DNAH8: variants seen among roughly 807,000 people sequenced by gnomAD.
DNAH8 encodes dynein axonemal heavy chain 8.
A neutral mutation model predicts 562.1 loss-of-function variants in DNAH8; 382 were observed. The ratio of observed to expected loss-of-function variants is 0.68; its 90% CI spans 0.63 to 0.74. The LOEUF is 0.74. DNAH8 is among the 30% of genes least tolerant of loss of function. The pLI is 0.00. For synonymous variants in DNAH8, 1,881 were observed against 1,919.4 expected, an observed-to-expected ratio of 0.98 and a Z score of 0.52; for missense variants, 5,203 against 5,620.4, an observed-to-expected ratio of 0.93 and a Z score of 2.37.
chr6:38,952,838 C>G (rs764159672), intron 82 of DNAH8, among the ~76,000 whole-genome samples: 4 of 152,198 alleles, frequency 2.6e-5, no homozygotes, highest in Non-Finnish European at 5.9e-5. Flanking sequence ...ATGGTTAAGT[C>G]TCATTCGCTA....
chr6:38,739,758 T>A (rs946015505), intron 7 of DNAH8, among the ~76,000 whole-genome samples: 1 of 152,248 alleles, frequency 6.6e-6, no homozygotes, highest in Non-Finnish European at 1.5e-5. Context: ...AACTATTATC[T>A]TGATAATTAT....
chr6:38,719,858 G>A (rs1169268402), intron 1 of DNAH8, among the ~76,000 whole-genome samples: 1 of 152,178 alleles, frequency 6.6e-6, no homozygotes, highest in African/African-American at 2.4e-5. Flanking sequence ...AATGCACCCT[G>A]ACATTGTGTT....
chr6:38,886,256 C>T (rs925014898), intron 56 of DNAH8, among the ~76,000 whole-genome samples: 1 of 151,828 alleles, frequency 6.6e-6, no homozygotes, highest in African/African-American at 2.4e-5. Context: ...CTGAGATGGA[C>T]CTGGAAAAAA....
At position 38,917,396 on chromosome 6, in the gene DNAH8, A is replaced by T; in HGVS notation, c.10298A>T (p.Glu3433Val). The change falls in exon 69 of 93, where the codon GAG (glutamate) becomes GTG (valine). Residue 3433 changes from glutamate to valine, a missense_variant. Physicochemically the swap from Glu to Val is moderately radical, Grantham distance 121 (BLOSUM62 -2). Around this residue, in one of 6 missense-constraint regions of DNAH8, gnomAD observed 87 missense variants for 144.9 expected, o/e 0.60. Transcript: ENST00000327475. ...EKSCCKPSWG[E>V]SLKLMSATGF... ...TCTTGCTGTAAGCCATCATGGGGAG[A>T]GTCATTAAAGGTAAGTAAAATCTAT... The T allele has an allele frequency of 6.2e-7, 1 of 1,612,972 alleles. No individual in the cohort carries two copies. The highest frequency in any genetic ancestry group is 8.5e-7 in the Non-Finnish European group (1 of 1,179,376).
chr6:38,879,531 A>G (rs1778300530), intron 53 of DNAH8, among the ~76,000 whole-genome samples: 1 of 152,224 alleles, frequency 6.6e-6, no homozygotes, highest in Non-Finnish European at 1.5e-5. Flanking sequence ...GCAAAATTTG[A>G]CACTCTTTTG....
chr6:38,791,722 A>C, intron 21 of DNAH8, 48 bp downstream of exon 21: 1 of 1,586,254 alleles, frequency 6.3e-7, no homozygotes. Flanking sequence ...TTGGCCTATA[A>C]ACCTAAAATG....
At chr6:38,935,570 A>AT (rs769726534) in intron 76 of DNAH8, 22 bp from the exon 77 acceptor site, 373 of 1,533,770 alleles carry the variant, frequency 2.4e-4, no homozygotes, top group Admixed American at 3.2e-4. Flanking sequence ...TTCCAATGTT[A>AT]TTTTTTGTTT....
At chr6:38,864,708 C>T (rs1250447280) in intron 45 of DNAH8, among the ~76,000 whole-genome samples, 1 of 152,040 alleles carries the variant, frequency 6.6e-6, no homozygotes, top group Non-Finnish European at 1.5e-5. Flanking sequence ...TGGGGGAAAA[C>T]GTGCCATCCT....
rs573438072 is a variant in DNAH8 at position 38,817,602 on chromosome 6, A to G, written c.3523+1945A>G. On this transcript the variant is annotated intron_variant, in intron 26 of 92. Transcript: ENST00000327475. ...ACAGCCCACTCAGGAGTGGCCCTAA[A>G]GGAGAGTGAAAAGGGGAATTCCCCC... Among the ~76,000 whole-genome samples, 446 of 152,322 alleles carry G rather than the reference A, an allele frequency of 2.9e-3. 1 individual carries two copies. The highest frequency in any genetic ancestry group is 2.5e-3 in the Non-Finnish European group (171 of 68,026).
At chr6:38,886,685 A>G in intron 56 of DNAH8, 106 bp from the exon 57 acceptor site, 2 of 888,266 alleles carry the variant, frequency 2.3e-6, no homozygotes, top group South Asian at 3.1e-5. Flanking sequence ...CACTTCATTG[A>G]TAAGAGTTTA....
intron 62 of DNAH8, among the ~76,000 whole-genome samples, chr6:38,900,988 A>G (rs536574322): frequency 6.6e-6 from 1 of 151,858 alleles, no homozygotes; most frequent in East Asian, 1.9e-4. Context: ...GATGTTGAGC[A>G]CCTTTTTATC....
At chr6:38,870,714 T>C in intron 49 of DNAH8, 152 bp downstream of exon 49, 1 of 822,528 alleles carries the variant, frequency 1.2e-6, no homozygotes, top group South Asian at 1.8e-5. Context: ...CTTGGAAGGA[T>C]GTGGTGGTCC....
chr6:38,926,075 G>A lies in DNAH8; in HGVS notation c.10983G>A (p.Gln3661=), dbSNP rs1450958650. Residue 3661 remains glutamine (Q), a synonymous_variant, in exon 74 of 93, where the codon CAG becomes CAA. Coordinates refer to ENST00000327475, the MANE Select transcript of DNAH8 (RefSeq NM_001206927.2). ...DPPTIGEWGL[Q]GLPGDDLSIQ... is the part of the protein sequence containing the mutation. Reference sequence around the variant, plus strand: ...TTCAGATTGGTGAGTGGGGGCTACAGGGATTACCAGGAGATGATCTCTCAA... The same window carrying A: ...TTCAGATTGGTGAGTGGGGGCTACAAGGATTACCAGGAGATGATCTCTCAA... 3 of 1,613,480 alleles carry A rather than the reference G, an allele frequency of 1.9e-6. No homozygotes were observed. Among genetic ancestry groups the A allele is most frequent in the Non-Finnish European group, 2.5e-6 (3 of 1,179,726 alleles).
intron 11 of DNAH8, among the ~76,000 whole-genome samples, chr6:38,766,973 TTTG>T (rs1767065070): frequency 6.6e-6 from 1 of 152,180 alleles, no homozygotes; most frequent in Non-Finnish European, 1.5e-5. Flanking sequence ...TGCTTCTCTT[TTTG>T]TATAATTAAA....
chr6:39,013,083 TC>T (rs1561975893), intron 91 of DNAH8, among the ~76,000 whole-genome samples: 1 of 152,212 alleles, frequency 6.6e-6, no homozygotes, highest in Non-Finnish European at 1.5e-5. Flanking sequence ...AGGGGGGTCT[TC>T]CCCCACTCAG....
In DNAH8 at chr6:38,973,752, A is replaced by G; in HGVS notation, c.12617A>G (p.Asp4206Gly). The change falls in exon 84 of 93, where the codon GAT becomes GGT. Residue 4206 changes from aspartate to glycine, a missense_variant. Asp to Gly is a moderately conservative substitution (Grantham distance 94). This residue lies in a region of DNAH8 where 1,399 missense variants were observed against 1,518.4 expected (regional missense o/e 0.92). Coordinates refer to ENST00000327475, the MANE Select transcript of DNAH8 (RefSeq NM_001206927.2). ...ETLITTEASD[D>G]SFRVWITTEP... ...CTAATTACCACTGAAGCCAGTGATG[A>G]TTCTTTCCGAGTATGGATAACTACG... 6.2e-7 allele frequency: 1 copy of G among 1,611,672 alleles called. No individual in the cohort carries two copies. The highest frequency in any genetic ancestry group is 8.5e-7 in the Non-Finnish European group (1 of 1,179,024).
At chr6:38,991,271 A>G (rs983960268) in intron 88 of DNAH8, among the ~76,000 whole-genome samples, 4 of 152,180 alleles carry the variant, frequency 2.6e-5, no homozygotes, top group African/African-American at 9.7e-5. Context: ...AAAGATGCGG[A>G]CATGATTGAA....
At chr6:38,899,417 A>G (rs1476092566) in intron 61 of DNAH8, among the ~76,000 whole-genome samples, 5 of 152,340 alleles carry the variant, frequency 3.3e-5, no homozygotes, top group African/African-American at 1.2e-4. Context: ...AATTGTAAAC[A>G]TTTCTTATAT....
At chr6:38,753,358 C>A (rs1403925432) in intron 9 of DNAH8, among the ~76,000 whole-genome samples, 1 of 152,062 alleles carries the variant, frequency 6.6e-6, no homozygotes, top group Non-Finnish European at 1.5e-5. Context: ...AAATTTCTGT[C>A]CAAGAAAAAT....
Sources: allele counts gnomAD v4.1 joint callset (sites outside exome capture counted in the v4.1 genomes callset), GRCh38; gene constraint gnomAD v4.1.1; regional missense constraint gnomAD v4.1.1; transcripts MANE v1.5; gene names NCBI Gene and HGNC (gene_info 2026-07-23, HGNC 2026-07-21).